Variants in LNPEP observed in about 807,000 individuals in gnomAD.
LNPEP encodes leucyl and cystinyl aminopeptidase.
LNPEP carries 64 observed loss-of-function variants against 120.6 expected under a neutral mutation model. That is an observed-to-expected ratio of 0.53 (90% CI 0.43 to 0.65). LNPEP has a LOEUF of 0.65. Ranked by LOEUF, LNPEP falls within the 30% of genes least tolerant of loss-of-function variation. LNPEP has a pLI of 0.00. For synonymous variants in LNPEP, 435 were observed against 425.4 expected (o/e 1.02, Z -0.28); for missense variants, 1,057 against 1,200.0 (o/e 0.88, Z 1.76).
intron 8 of LNPEP, 89 bp from the exon 9 acceptor site, chr5:97,003,326 T>C: frequency 8.0e-6 from 6 of 754,012 alleles, no homozygotes; most frequent in Non-Finnish European, 1.2e-5. Flanking sequence ...ATTTTTAGAA[T>C]GACTGTAGTT....
At chr5:97,010,144 A>T in intron 11 of LNPEP, 1 of 367,384 alleles carries the variant, frequency 2.7e-6, no homozygotes, top group Non-Finnish European at 3.8e-6. Flanking sequence ...TTTCCAGTTT[A>T]CATATTGAGG....
rs778228367 is a variant in LNPEP at position 96,997,967 on chromosome 5, G to A, written c.1522-47G>A. ...CACATAAATAATTTACTATACTTTT[G>A]CATTTGATACTACTTGTGATATTCT... On this transcript the variant is annotated intron_variant, in intron 7 of 17. Coordinates refer to ENST00000231368, the MANE Select transcript of LNPEP (RefSeq NM_005575.3). 7.5e-6 allele frequency: 10 copies of A among 1,326,168 alleles called. No homozygotes were observed. The East Asian group carries it at 2.5e-4, about 33-fold the overall frequency. 82.2% of individuals were successfully genotyped at this position (1,326,168 alleles called of 1,614,324 possible).
Position 97,035,850 on chromosome 5 carries a change from T to G in LNPEP, c.*7317T>G, listed in dbSNP as rs531017881. The G allele has an allele frequency of 6.6e-6, 1 of 152,314 alleles. No homozygotes were observed. Among genetic ancestry groups the G allele is most frequent in the East Asian group, 1.9e-4 (1 of 5,182 alleles). The allele number at this position is 152,314 out of a possible 1,614,324, so 9.4% of individuals were successfully genotyped here. On this transcript the variant is annotated 3_prime_UTR_variant, in exon 18 of 18. Transcript: ENST00000231368. ...ACAGGAGAAGACACTCAGCTATGGT[T>G]GAGTTGTGAAAGCTAATTAGATCCA... is the stretch of plus-strand genomic sequence containing the variant.
At chr5:96,987,601 A>G (rs1345302044) in intron 4 of LNPEP, among the ~76,000 whole-genome samples, 3 of 152,028 alleles carry the variant, frequency 2.0e-5, no homozygotes, top group Non-Finnish European at 4.4e-5. Context: ...TTTCAGAGAT[A>G]AGGACAGAGA....
rs374657876 is a variant in LNPEP, at chr5:97,006,533, G to A, written c.2035+18G>A. The A allele has an allele frequency of 8.7e-6, 11 of 1,258,120 alleles. No homozygotes were observed. The African/African-American group carries it at 1.3e-4, about 15-fold the overall frequency. 77.9% of individuals were successfully genotyped at this position (1,258,120 alleles called of 1,614,324 possible). ...GAAATCAGGTTTGACTATAATGACAGTTCTGATTGGAAATGGCATAATTTT... is the reference window on the plus strand; with the variant it reads ...GAAATCAGGTTTGACTATAATGACAATTCTGATTGGAAATGGCATAATTTT... On this transcript the variant is annotated intron_variant, in intron 11 of 17. Coordinates refer to ENST00000231368, the MANE Select transcript of LNPEP (RefSeq NM_005575.3).
chr5:97,024,749 GGAGCTCA>G, intron 15 of LNPEP, 67 bp downstream of exon 15: 1 of 1,441,606 alleles, frequency 6.9e-7, no homozygotes. Flanking sequence ...CTCTTGGTCA[GGAGCTCA>G]TTTTTGAGGG....
chr5:96,952,178 A>G (rs189064504), intron 1 of LNPEP, among the ~76,000 whole-genome samples: 11 of 152,322 alleles, frequency 7.2e-5, no homozygotes, highest in African/African-American at 2.6e-4. Flanking sequence ...AAACAAAAGG[A>G]TTAGTGAGAT....
At chr5:96,948,120 C>CTTTTTTTTTT (rs769737708) in intron 1 of LNPEP, among the ~76,000 whole-genome samples, 1 of 142,708 alleles carries the variant, frequency 7.0e-6, no homozygotes, top group Non-Finnish European at 1.5e-5. Flanking sequence ...ACAAATTTCT[C>CTTTTTTTTTT]TTTTTTTTTT....
At chr5:97,004,090 T>C (rs1186355903) in intron 9 of LNPEP, among the ~76,000 whole-genome samples, 2 of 152,212 alleles carry the variant, frequency 1.3e-5, no homozygotes, top group Non-Finnish European at 2.9e-5. Flanking sequence ...GCAGTGTAAT[T>C]ATGTAGAAGT....
At chr5:97,013,299 C>G (rs1582027898) in intron 11 of LNPEP, among the ~76,000 whole-genome samples, 1 of 152,150 alleles carries the variant, frequency 6.6e-6, no homozygotes, top group Admixed American at 6.6e-5. Flanking sequence ...TTTCTATGTG[C>G]ATTCGTTGAA....
chr5:96,959,760 A>G (rs767729633), intron 1 of LNPEP, among the ~76,000 whole-genome samples: 20 of 152,136 alleles, frequency 1.3e-4, no homozygotes, highest in Non-Finnish European at 2.5e-4. Flanking sequence ...AAAGTTGAGT[A>G]TCTGAGGATT....
chr5:96,949,720 T>G (rs1313771733), intron 1 of LNPEP, among the ~76,000 whole-genome samples: 1 of 152,218 alleles, frequency 6.6e-6, no homozygotes, highest in Non-Finnish European at 1.5e-5. Flanking sequence ...TAATTACATA[T>G]AGCAGACAAA....
intron 1 of LNPEP, among the ~76,000 whole-genome samples, chr5:96,974,082 A>T (rs964526967): frequency 1.3e-5 from 2 of 152,018 alleles, no homozygotes; most frequent in Non-Finnish European, 2.9e-5. Context: ...CTTCTTTTAG[A>T]CCTGGGCTGG....
chr5:97,015,896 T>A (rs1791055322), intron 13 of LNPEP, among the ~76,000 whole-genome samples: 1 of 152,094 alleles, frequency 6.6e-6, no homozygotes, highest in African/African-American at 2.4e-5. Context: ...ATCATTTTTT[T>A]AACATTTTTT....
At chr5:96,952,516 T>A (rs1789347719) in intron 1 of LNPEP, among the ~76,000 whole-genome samples, 1 of 152,136 alleles carries the variant, frequency 6.6e-6, no homozygotes, top group African/African-American at 2.4e-5. Context: ...AGTGGAGCTG[T>A]TGGAATTGGG....
At chr5:97,003,053 G>C (rs1382339808) in intron 8 of LNPEP, among the ~76,000 whole-genome samples, 1 of 152,106 alleles carries the variant, frequency 6.6e-6, no homozygotes, top group African/African-American at 2.4e-5. Context: ...TGGGGATGGA[G>C]GTGTAGGTGC....
rs1561452274 is a variant in LNPEP at position 97,013,628 on chromosome 5, A to G, written c.2036-20A>G. The stretch of plus-strand genomic sequence containing the variant: ...CAATTGTCTTCTCTCTCAATCTCTC[A>G]TTTTTTTGGTTTCCATTAGGTGTCA... On this transcript the variant is annotated intron_variant, in intron 11 of 17. Coordinates refer to ENST00000231368, the MANE Select transcript of LNPEP (RefSeq NM_005575.3). The G allele has an allele frequency of 7.2e-7, 1 of 1,385,576 alleles. No homozygotes were observed. 85.8% of individuals were successfully genotyped at this position (1,385,576 alleles called of 1,614,324 possible). A position where few individuals can be genotyped will look rare whatever the true frequency, so the allele number is the denominator to read the frequency against.
In LNPEP at chr5:97,006,524, A is replaced by C. The variant is rs774907275; in HGVS notation, c.2035+9A>C. 7.4e-7 allele frequency: 1 copy of C among 1,346,854 alleles called. No homozygotes were observed. Among genetic ancestry groups the C allele is most frequent in the Non-Finnish European group, 1.1e-6 (1 of 940,012 alleles). 83.4% of individuals were successfully genotyped at this position (1,346,854 alleles called of 1,614,324 possible). On this transcript the variant is annotated intron_variant, in intron 11 of 17. Coordinates refer to ENST00000231368, the MANE Select transcript of LNPEP (RefSeq NM_005575.3). Reference sequence around the variant, plus strand: ...ACTGGATAAGAAATCAGGTTTGACTATAATGACAGTTCTGATTGGAAATGG... The same window carrying C: ...ACTGGATAAGAAATCAGGTTTGACTCTAATGACAGTTCTGATTGGAAATGG...
chr5:96,966,728 G>T (rs1789736276), intron 1 of LNPEP, among the ~76,000 whole-genome samples: 1 of 152,018 alleles, frequency 6.6e-6, no homozygotes, highest in African/African-American at 2.4e-5. Context: ...ACTATGAAGT[G>T]CTTTATTAAT....
Sources: allele counts gnomAD v4.1 joint callset (sites outside exome capture counted in the v4.1 genomes callset), GRCh38; gene constraint gnomAD v4.1.1; transcripts MANE v1.5; gene names NCBI Gene and HGNC (gene_info 2026-07-23, HGNC 2026-07-21).